The following ITSN2 variants were observed in gnomAD, a reference collection of about 807,000 sequenced individuals.
The protein encoded by ITSN2 is intersectin-2.
Under a neutral mutation model 243.7 loss-of-function variants are expected in ITSN2, and 156 were observed. The ratio of observed to expected loss-of-function variants is 0.64; its 90% CI spans 0.56 to 0.73. The LOEUF (loss-of-function observed/expected upper bound fraction) is 0.73. ITSN2 is among the 30% of genes least tolerant of loss of function. ITSN2 has a pLI of 0.00. For missense variants in ITSN2, 1,801 were observed against 1,996.1 expected (o/e 0.90, Z 1.86); for synonymous variants, 703 against 699.9 (o/e 1.00, Z -0.07).
chr2:24,243,991 G>C (rs1042456160), intron 29 of ITSN2, among the ~76,000 whole-genome samples: 2 of 152,204 alleles, frequency 1.3e-5, no homozygotes, highest in Non-Finnish European at 2.9e-5. Context: ...AATTCTACTG[G>C]ATAGTGCTGT....
chr2:24,233,205 A>G (rs923879722), intron 29 of ITSN2, among the ~76,000 whole-genome samples: 2 of 152,190 alleles, frequency 1.3e-5, no homozygotes, highest in African/African-American at 4.8e-5. Context: ...TTATTACACC[A>G]TTAATCTCCC....
intron 15 of ITSN2, among the ~76,000 whole-genome samples, chr2:24,291,592 T>C (rs1342262998): frequency 1.3e-5 from 2 of 150,668 alleles, no homozygotes. Flanking sequence ...CAGGTTCAAG[T>C]GATTCTCCTG....
intron 35 of ITSN2, 52 bp from the exon 36 acceptor site, chr2:24,209,273 A>G: frequency 6.4e-7 from 1 of 1,554,568 alleles, no homozygotes; most frequent in Non-Finnish European, 8.7e-7. Context: ...AGAACACTCC[A>G]CCCGCCTATG....
rs1489164571 is a variant in ITSN2, at chr2:24,282,510, G to C, written c.1944+2253C>G. Among the ~76,000 whole-genome samples, 4 of 152,302 alleles carry C rather than the reference G, an allele frequency of 2.6e-5. No homozygotes were observed. The East Asian group carries it at 7.7e-4, about 29-fold the overall frequency. On this transcript the variant is annotated intron_variant, in intron 17 of 39. Coordinates refer to ENST00000355123, the MANE Select transcript of ITSN2 (RefSeq NM_006277.3). The stretch of plus-strand genomic sequence containing the variant: ...AACCCTGGGATACAGAAATCCCTCT[G>C]TTCTGTCCTTGTGATAAGGAAGGGG...
intron 22 of ITSN2, among the ~76,000 whole-genome samples, chr2:24,260,475 A>C (rs1574053250): frequency 1.3e-5 from 2 of 152,012 alleles, no homozygotes; most frequent in South Asian, 4.2e-4. Flanking sequence ...AAAAAAAAAA[A>C]AACCGTCAAG....
chr2:24,312,143 A>G lies in ITSN2; in HGVS notation c.352+69T>C, dbSNP rs1683327792. 4 of 1,273,434 alleles carry G rather than the reference A, an allele frequency of 3.1e-6. No homozygotes were observed. In the South Asian group the frequency reaches 5.2e-5, roughly 16 times the overall value. 78.9% of individuals were successfully genotyped at this position (1,273,434 alleles called of 1,614,324 possible). A position where few individuals can be genotyped will look rare whatever the true frequency, so the allele number is the denominator to read the frequency against. Reference sequence around the variant, plus strand: ...ATTTTGTGCTAACAAATCCTTTTCTAATACTCAAATATGCCTAGGGATAAA... The same window carrying G: ...ATTTTGTGCTAACAAATCCTTTTCTGATACTCAAATATGCCTAGGGATAAA... On this transcript the variant is annotated intron_variant, in intron 5 of 39. Transcript: ENST00000355123.
intron 29 of ITSN2, among the ~76,000 whole-genome samples, chr2:24,223,857 A>AGAAAG (rs1156437387): frequency 0.029 from 434 of 15,068 alleles, 5 homozygotes; most frequent in African/African-American, 0.11. Context: ...AAAGAAAGAA[A>AGAAAG]GAAAGGAAAG....
chr2:24,271,046 G>A (rs967767230), intron 19 of ITSN2, among the ~76,000 whole-genome samples: 1 of 152,154 alleles, frequency 6.6e-6, no homozygotes, highest in Non-Finnish European at 1.5e-5. Context: ...GTGCAGGAGT[G>A]GGGGCCAGGC....
rs1668555079 is a variant in ITSN2, at chr2:24,203,785, T to C, written c.4937-2A>G. ...GAATTTCAGTACGACCCAGGAAATCTGGTGAATAAACACAGGAGAGTCAGA... is the reference window on the plus strand; with the variant it reads ...GAATTTCAGTACGACCCAGGAAATCCGGTGAATAAACACAGGAGAGTCAGA... On this transcript the variant is annotated splice_acceptor_variant, in intron 39 of 39. Coordinates refer to ENST00000355123, the MANE Select transcript of ITSN2 (RefSeq NM_006277.3). LOFTEE classifies it high-confidence loss of function. 3 of 1,612,854 alleles carry C rather than the reference T, an allele frequency of 1.9e-6. No homozygotes were observed. Among genetic ancestry groups the C allele is most frequent in the Non-Finnish European group, 2.5e-6 (3 of 1,179,334 alleles).
At chr2:24,216,590 T>C (rs965030524) in intron 31 of ITSN2, among the ~76,000 whole-genome samples, 2 of 151,988 alleles carry the variant, frequency 1.3e-5, no homozygotes, top group African/African-American at 4.8e-5. Flanking sequence ...ACCCTGTCTC[T>C]ACAAAAATGA....
chr2:24,307,644 T>C (rs1220392673), intron 8 of ITSN2, among the ~76,000 whole-genome samples: 3 of 152,210 alleles, frequency 2.0e-5, no homozygotes, highest in African/African-American at 7.2e-5. Flanking sequence ...AGTTATCACA[T>C]AGGTATGTAT....
At chr2:24,210,100 A>G in intron 34 of ITSN2, 67 bp from the exon 35 acceptor site, 2 of 1,171,322 alleles carry the variant, frequency 1.7e-6, no homozygotes, top group East Asian at 2.3e-5. Context: ...CTGAGAGGCC[A>G]GTGCCCTGGG....
chr2:24,251,325 T>TAAAAAAAAAAA (rs1165033997), intron 25 of ITSN2, among the ~76,000 whole-genome samples: 1 of 3,394 alleles, frequency 2.9e-4, no homozygotes, highest in Non-Finnish European at 6.2e-4. Context: ...AAAAAAAAAA[T>TAAAAAAAAAAA]AAAATATATA....
chr2:24,337,331 T>TATATATATATATATATATATATATAC (rs1219603507), intron 1 of ITSN2, among the ~76,000 whole-genome samples: 43 of 3,056 alleles, frequency 0.014, 3 homozygotes, highest in Non-Finnish European at 0.025. Context: ...TATATATATA[T>TATATATATATATATATATATATATAC]ATATATATAT....
At chr2:24,358,397 G>A (rs1366327173) in intron 1 of ITSN2, among the ~76,000 whole-genome samples, 1 of 152,118 alleles carries the variant, frequency 6.6e-6, no homozygotes, top group Non-Finnish European at 1.5e-5. Context: ...TTACTCCTAG[G>A]GCCTTAGTGA....
At chr2:24,220,625 A>C (rs1011850341) in intron 30 of ITSN2, 108 of 1,208,858 alleles carry the variant, frequency 8.9e-5, no homozygotes, top group Non-Finnish European at 1.0e-4. Flanking sequence ...CTTCCCATCC[A>C]CTCTATCCCC....
intron 1 of ITSN2, among the ~76,000 whole-genome samples, chr2:24,359,220 T>C (rs1175674669): frequency 2.0e-5 from 3 of 152,314 alleles, no homozygotes; most frequent in African/African-American, 2.4e-5. Context: ...ATTAACAATA[T>C]AGCAAACCAG....
chr2:24,337,338 A>ATATATATATG lies in ITSN2; in HGVS notation c.-33-9224_-33-9223insCATATATATA, dbSNP rs1558650684. 1.3e-4 allele frequency among the ~76,000 whole-genome samples: 15 copies of ATATATATATG among 112,620 alleles called. 1 individual carries two copies. The highest frequency in any genetic ancestry group is 9.6e-4 in the East Asian group (4 of 4,150). 73.9% of individuals were successfully genotyped at this position (112,620 alleles called of 152,430 possible). ...AAAATATATATATATATATATATAT[A>ATATATATATG]TATATATATATATATGTAATTTTTT... is the stretch of plus-strand genomic sequence containing the variant. On this transcript the variant is annotated intron_variant, in intron 1 of 39. Transcript: ENST00000355123.
chr2:24,256,017 C>T (rs1470396261), intron 23 of ITSN2, among the ~76,000 whole-genome samples: 2 of 151,596 alleles, frequency 1.3e-5, no homozygotes, highest in Non-Finnish European at 1.5e-5. Flanking sequence ...CGGGCCATTG[C>T]ACTCCAGCCT....
Sources: gnomAD v4.1 joint callset for allele counts (sites outside exome capture counted in the v4.1 genomes callset) on GRCh38, gnomAD v4.1.1 for gene constraint, MANE v1.5 for transcripts, NCBI Gene and HGNC (gene_info 2026-07-23, HGNC 2026-07-21) for gene names.